Variants in ANKFN1 observed in about 807,000 individuals in gnomAD.
ANKFN1 encodes ankyrin repeat and fibronectin type-III domain-containing protein 1.
ANKFN1 carries 74 observed loss-of-function variants against 108.7 expected under a neutral mutation model. That is an observed-to-expected ratio of 0.68 (90% CI 0.56 to 0.83). The LOEUF is 0.83. ANKFN1 is among the 40% of genes least tolerant of loss of function. ANKFN1 has a pLI of 0.00. For synonymous variants in ANKFN1, 547 were observed against 516.2 expected (o/e 1.06, Z -0.81); for missense variants, 1,505 against 1,382.3 (o/e 1.09, Z -1.41).
chr17:56,071,620 TTTTG>T (rs549242399), intron 4 of ANKFN1, among the ~76,000 whole-genome samples: 50 of 152,332 alleles, frequency 3.3e-4, no homozygotes, highest in African/African-American at 5.5e-4. Context: ...GCTTCTTGTT[TTTTG>T]TTTGTTTGTT....
intron 1 of ANKFN1, among the ~76,000 whole-genome samples, chr17:56,208,329 A>T (rs1023081931): frequency 7.2e-5 from 11 of 152,192 alleles, no homozygotes; most frequent in African/African-American, 2.2e-4. Context: ...CCGTTAGACA[A>T]GGTTTCTCAA....
chr17:56,490,775 A>G (rs982727765), intron 18 of ANKFN1, among the ~76,000 whole-genome samples: 3 of 152,178 alleles, frequency 2.0e-5, no homozygotes, highest in Non-Finnish European at 4.4e-5. Flanking sequence ...AAATCAAACC[A>G]GGACAGAGGC....
chr17:56,341,653 A>G (rs927996937), intron 4 of ANKFN1, among the ~76,000 whole-genome samples: 10 of 152,216 alleles, frequency 6.6e-5, no homozygotes, highest in Middle Eastern at 3.4e-3. Flanking sequence ...CTAAGGATGA[A>G]GCCTATTTCA....
chr17:56,056,441 G>T (rs1904879276), intron 4 of ANKFN1, among the ~76,000 whole-genome samples: 1 of 149,340 alleles, frequency 6.7e-6, no homozygotes, highest in African/African-American at 2.5e-5. Context: ...AGGCTGCAGT[G>T]ACTGAAACAA....
intron 3 of ANKFN1, among the ~76,000 whole-genome samples, chr17:56,272,706 T>C (rs1306922995): frequency 1.3e-5 from 2 of 152,210 alleles, no homozygotes; most frequent in South Asian, 2.1e-4. Flanking sequence ...CTGGATCATA[T>C]ATTAATTCTA....
chr17:56,400,416 C>A (rs2144927738), intron 8 of ANKFN1, among the ~76,000 whole-genome samples: 1 of 117,914 alleles, frequency 8.5e-6, no homozygotes. Flanking sequence ...GTTCTTAGCC[C>A]ACTTTTTGAT....
At chr17:56,374,325 G>A (rs1379206524) in intron 7 of ANKFN1, among the ~76,000 whole-genome samples, 3 of 152,140 alleles carry the variant, frequency 2.0e-5, no homozygotes, top group Non-Finnish European at 4.4e-5. Flanking sequence ...CACTGATCCA[G>A]CCCAATCTCC....
chr17:56,395,868 G>C lies in ANKFN1; in HGVS notation c.910+21154G>C, dbSNP rs1261983459. On this transcript the variant is annotated intron_variant, in intron 8 of 20. Coordinates refer to ENST00000682825, the MANE Select transcript of ANKFN1 (RefSeq NM_001370326.1). ...GACTCAAAAAAGAAAAACAAAGGTG[G>C]GGGGAAGCATGATTCCCTTCCCTGG... 2.6e-5 allele frequency among the ~76,000 whole-genome samples: 4 copies of C among 152,088 alleles called. No homozygotes were observed. The East Asian group carries it at 7.8e-4, about 30-fold the overall frequency.
intron 2 of ANKFN1, chr17:56,215,702 G>A (rs1223461630): frequency 6.6e-6 from 1 of 152,242 alleles, no homozygotes; most frequent in African/African-American, 2.4e-5. Flanking sequence ...AGCCACACAG[G>A]ACCCTGTGCT....
chr17:56,051,764 A>T (rs1197853281), intron 4 of ANKFN1, among the ~76,000 whole-genome samples: 2 of 150,588 alleles, frequency 1.3e-5, no homozygotes, highest in African/African-American at 4.9e-5. Context: ...AAGCATTCTT[A>T]TACACCAACA....
In ANKFN1 at chr17:56,437,973, G is replaced by GGGGTGTGTGTGTGTGTGTGT. The variant is rs1555653063; in HGVS notation, c.911-2353_911-2352insGGTGTGTGTGTGTGTGTGTG. 6.5e-3 allele frequency among the ~76,000 whole-genome samples: 928 copies of GGGGTGTGTGTGTGTGTGTGT among 142,248 alleles called. 7 individuals are homozygous for GGGGTGTGTGTGTGTGTGTGT. The highest frequency in any genetic ancestry group is 0.024 in the African/African-American group (900 of 37,624). The allele number at this position is 142,248 out of a possible 152,430, so 93.3% of individuals were successfully genotyped here. ...GTGTTGGAAAAACTAATCTACTGTA[G>GGGGTGTGTGTGTGTGTGTGT]GTGTGTGTGTGTGTGTGTGTGTGTG... On this transcript the variant is annotated intron_variant, in intron 8 of 20. Coordinates refer to ENST00000682825, the MANE Select transcript of ANKFN1 (RefSeq NM_001370326.1).
chr17:56,251,776 A>C (rs111869427), intron 3 of ANKFN1, among the ~76,000 whole-genome samples: 44 of 152,338 alleles, frequency 2.9e-4, no homozygotes, highest in Non-Finnish European at 5.7e-4. Flanking sequence ...GAGAGTTAAA[A>C]GAAGAGAAAA....
intron 3 of ANKFN1, among the ~76,000 whole-genome samples, chr17:56,269,615 T>C (rs181248835): frequency 5.1e-4 from 77 of 152,326 alleles, no homozygotes; most frequent in Admixed American, 5.0e-3. Flanking sequence ...AAAAAAAGTC[T>C]GTGAACTTCT....
intron 3 of ANKFN1, among the ~76,000 whole-genome samples, chr17:56,271,648 G>A (rs549824815): frequency 6.6e-6 from 1 of 152,132 alleles, no homozygotes; most frequent in African/African-American, 2.4e-5. Flanking sequence ...GACCAGGAAG[G>A]GCAGGGGATT....
At chr17:56,489,397 A>C (rs1009266394) in intron 18 of ANKFN1, among the ~76,000 whole-genome samples, 2 of 152,078 alleles carry the variant, frequency 1.3e-5, no homozygotes, top group Non-Finnish European at 2.9e-5. Context: ...GCTAAACCAC[A>C]AAAGACTATG....
chr17:56,220,864 AAGGAAGGG>A (rs1394341389), intron 2 of ANKFN1, among the ~76,000 whole-genome samples: 2 of 18,102 alleles, frequency 1.1e-4, no homozygotes, highest in African/African-American at 5.9e-4. Flanking sequence ...GGAAGGAAGG[AAGGAAGGG>A]AGGGAGGGAG....
At chr17:56,508,091 C>G (rs141271621) in intron 20 of ANKFN1, among the ~76,000 whole-genome samples, 2 of 152,342 alleles carry the variant, frequency 1.3e-5, no homozygotes, top group Admixed American at 1.3e-4. Context: ...TTCCACACAA[C>G]CACAGCTCTT....
intron 4 of ANKFN1, among the ~76,000 whole-genome samples, chr17:56,139,548 T>A (rs1471760224): frequency 6.6e-6 from 1 of 152,150 alleles, no homozygotes; most frequent in Non-Finnish European, 1.5e-5. Context: ...CCCATGTGAT[T>A]TTCCCCCCAT....
At chr17:56,245,310 C>A (rs1039761919) in intron 3 of ANKFN1, among the ~76,000 whole-genome samples, 1 of 152,002 alleles carries the variant, frequency 6.6e-6, no homozygotes, top group African/African-American at 2.4e-5. Context: ...GACAGTGAAT[C>A]TAGTATTTAG....
Sources: allele counts gnomAD v4.1 joint callset (sites outside exome capture counted in the v4.1 genomes callset), GRCh38; gene constraint gnomAD v4.1.1; transcripts MANE v1.5; gene names NCBI Gene and HGNC (gene_info 2026-07-23, HGNC 2026-07-21).